Variants in MPP7 observed in about 807,000 individuals in gnomAD.
MPP7 encodes the protein MAGUK p55 scaffold protein 7.
MPP7 carries 60 observed loss-of-function variants against 76.5 expected under a neutral mutation model. The ratio of observed to expected loss-of-function variants is 0.78; its 90% confidence interval spans 0.64 to 0.97. The LOEUF (loss-of-function observed/expected upper bound fraction) is 0.97. MPP7 is among the 50% of genes least tolerant of loss of function. The pLI, the probability that MPP7 is intolerant of heterozygous loss-of-function variation, is 0.00. For missense variants in MPP7, 641 were observed against 694.0 expected (o/e 0.92, Z 0.86); for synonymous variants, 237 against 244.5 (o/e 0.97, Z 0.29).
intron 2 of MPP7, among the ~76,000 whole-genome samples, chr10:28,206,423 ATC>A (rs149355407): frequency 0.013 from 2,018 of 152,304 alleles, 37 homozygotes; most frequent in African/African-American, 0.046. Flanking sequence ...AATTATTAAC[ATC>A]TGTTTATGTC....
chr10:28,164,586 T>C (rs1476713574), intron 3 of MPP7, among the ~76,000 whole-genome samples: 2 of 152,110 alleles, frequency 1.3e-5, no homozygotes, highest in East Asian at 1.9e-4. Flanking sequence ...TGTGGAATAA[T>C]AGACCAAGAG....
At chr10:28,284,296 C>T (rs1281909726) in intron 1 of MPP7, among the ~76,000 whole-genome samples, 1 of 152,194 alleles carries the variant, frequency 6.6e-6, no homozygotes, top group Non-Finnish European at 1.5e-5. Context: ...TGTACACAGA[C>T]ATTTATATAA....
intron 3 of MPP7, among the ~76,000 whole-genome samples, chr10:28,173,860 T>G (rs373908320): frequency 2.0e-5 from 3 of 152,156 alleles, no homozygotes; most frequent in East Asian, 1.9e-4. Context: ...GACTCAGTAT[T>G]GTAAAGATAT....
chr10:28,162,368 A>G (rs955348808), intron 3 of MPP7, among the ~76,000 whole-genome samples: 6 of 152,188 alleles, frequency 3.9e-5, no homozygotes, highest in Admixed American at 6.5e-5. Context: ...AATGCATGGT[A>G]ATAGCAGAGA....
At chr10:28,124,469 T>A (rs995483915) in intron 7 of MPP7, among the ~76,000 whole-genome samples, 5 of 119,320 alleles carry the variant, frequency 4.2e-5, no homozygotes, top group African/African-American at 1.3e-4. Flanking sequence ...AAACAAGATT[T>A]TTTTTTTTTT....
chr10:28,183,966 A>G (rs1174773410), intron 3 of MPP7, among the ~76,000 whole-genome samples: 3 of 152,150 alleles, frequency 2.0e-5, no homozygotes, highest in Non-Finnish European at 4.4e-5. Flanking sequence ...TGTTCCAGAC[A>G]ATATTTAAAG....
chr10:28,297,421 GGGCGCTGT>G (rs1238958807), intron 1 of MPP7, among the ~76,000 whole-genome samples: 2 of 152,138 alleles, frequency 1.3e-5, no homozygotes, highest in Admixed American at 1.3e-4. Flanking sequence ...CAATAAGGCC[GGGCGCTGT>G]GGCTCACGCC....
At chr10:28,178,737 G>C (rs941534021) in intron 3 of MPP7, among the ~76,000 whole-genome samples, 1 of 152,066 alleles carries the variant, frequency 6.6e-6, no homozygotes, top group Non-Finnish European at 1.5e-5. Flanking sequence ...ACTTTGAAAA[G>C]TTCATGGAAC....
At chr10:28,079,039 T>C (rs1234267595) in intron 12 of MPP7, among the ~76,000 whole-genome samples, 1 of 152,200 alleles carries the variant, frequency 6.6e-6, no homozygotes, top group Non-Finnish European at 1.5e-5. Context: ...TAGACATACA[T>C]GACACCTTTT....
In MPP7 at chr10:28,274,677, G is replaced by A. The variant is rs1324586808; in HGVS notation, c.-132+28184C>T. On this transcript the variant is annotated intron_variant, in intron 1 of 16. Coordinates refer to ENST00000683449, the MANE Select transcript of MPP7 (RefSeq NM_001318170.2). ...CCTACACTACACAGACTAAAGTATA[G>A]CACAGCTCAAACCCTGGACTACATA... is the stretch of plus-strand genomic sequence containing the variant. Among the ~76,000 whole-genome samples, 8 of 152,244 alleles carry A rather than the reference G, an allele frequency of 5.3e-5. No homozygotes were observed. The South Asian group carries it at 1.7e-3, about 32-fold the overall frequency.
At chr10:28,173,662 C>CA (rs760811044) in intron 3 of MPP7, among the ~76,000 whole-genome samples, 1 of 152,102 alleles carries the variant, frequency 6.6e-6, no homozygotes, top group Non-Finnish European at 1.5e-5. Context: ...TCCTTTGTAG[C>CA]AACACAAAAC....
At chr10:28,181,415 T>A (rs1354420749) in intron 3 of MPP7, among the ~76,000 whole-genome samples, 1 of 152,206 alleles carries the variant, frequency 6.6e-6, no homozygotes, top group East Asian at 1.9e-4. Flanking sequence ...CTATCATCTG[T>A]CTGTAATAAA....
intron 2 of MPP7, among the ~76,000 whole-genome samples, chr10:28,225,425 T>C (rs1838656291): frequency 6.6e-6 from 1 of 152,146 alleles, no homozygotes; most frequent in African/African-American, 2.4e-5. Flanking sequence ...ATCATAAATG[T>C]GGTAAGTGTT....
At chr10:28,310,088 G>C (rs1396625471) in intron 2 of MPP7, among the ~76,000 whole-genome samples, 10 of 146,812 alleles carry the variant, frequency 6.8e-5, no homozygotes, top group Admixed American at 6.3e-4. Context: ...TGCAACCTCT[G>C]CCTCCTGGGT....
chr10:28,326,782 C>T (rs575612421), intron 2 of MPP7, among the ~76,000 whole-genome samples: 3 of 152,232 alleles, frequency 2.0e-5, no homozygotes, highest in Non-Finnish European at 4.4e-5. Flanking sequence ...AAGTGCTGGG[C>T]CACATTGCCA....
chr10:28,117,610 C>T (rs932558244), intron 11 of MPP7, among the ~76,000 whole-genome samples: 8 of 151,990 alleles, frequency 5.3e-5, no homozygotes, highest in East Asian at 1.9e-4. Flanking sequence ...GGTAAAGAAT[C>T]ATCATCAAAA....
At chr10:28,326,780 G>A (rs919026048) in intron 2 of MPP7, among the ~76,000 whole-genome samples, 1 of 152,210 alleles carries the variant, frequency 6.6e-6, no homozygotes, top group African/African-American at 2.4e-5. Flanking sequence ...GAAAGTGCTG[G>A]GCCACATTGC....
Position 28,081,688 on chromosome 10 carries a change from C to T in MPP7, c.1123+7983G>A, listed in dbSNP as rs796534409. 9.3e-5 allele frequency among the ~76,000 whole-genome samples: 14 copies of T among 151,312 alleles called. 1 individual carries two copies. Among genetic ancestry groups the T allele is most frequent in the African/African-American group, 3.4e-4 (14 of 41,304 alleles). ...AGAAAAATAATATTTTGTATTTTCT[C>T]AACAATATTTATGAAACGGTTTCAA... On this transcript the variant is annotated intron_variant, in intron 12 of 16. Transcript: ENST00000683449.
chr10:28,292,922 A>G (rs1840953879), intron 1 of MPP7, among the ~76,000 whole-genome samples: 1 of 152,142 alleles, frequency 6.6e-6, no homozygotes, highest in Non-Finnish European at 1.5e-5. Flanking sequence ...TAGCATCACA[A>G]ACCACTAGGT....
Sources: allele counts gnomAD v4.1 joint callset (sites outside exome capture counted in the v4.1 genomes callset), GRCh38; gene constraint gnomAD v4.1.1; transcripts MANE v1.5; gene names NCBI Gene and HGNC (gene_info 2026-07-23, HGNC 2026-07-21).